ASPH: variants seen among roughly 807,000 people sequenced by gnomAD.
The protein encoded by ASPH is aspartyl/asparaginyl beta-hydroxylase.
ASPH carries 100 observed loss-of-function variants against 118.4 expected under a neutral mutation model. The observed-to-expected ratio is 0.84, with a 90% CI of 0.72 to 1.00. The LOEUF is 1.00. Among genes scored for constraint, ASPH ranks in the 50% least tolerant of loss-of-function variants. ASPH has a pLI of 0.00. For synonymous variants in ASPH, 315 were observed against 325.6 expected (o/e 0.97, Z 0.35); for missense variants, 920 against 919.5 (o/e 1.00, Z -0.01).
chr8:61,511,269 C>T (rs1364927623), intron 24 of ASPH, among the ~76,000 whole-genome samples: 5 of 152,104 alleles, frequency 3.3e-5, no homozygotes, highest in African/African-American at 1.2e-4. Flanking sequence ...TGATTGATTG[C>T]CAATTCATTT....
chr8:61,624,882 C>G, intron 13 of ASPH: 1 of 985,580 alleles, frequency 1.0e-6, no homozygotes, highest in South Asian at 4.7e-5. Context: ...ACCGACAGCA[C>G]AGCTTTAGAA....
At chr8:61,687,850 T>C (rs1288981665) in intron 1 of ASPH, 1 of 152,230 alleles carries the variant, frequency 6.6e-6, no homozygotes, top group Middle Eastern at 3.2e-3. Context: ...CCCTTTTTAA[T>C]ATCAAATAAA....
intron 4 of ASPH, 115 bp downstream of exon 4, chr8:61,653,453 A>T: frequency 1.1e-6 from 1 of 937,094 alleles, no homozygotes; most frequent in Non-Finnish European, 1.6e-6. Context: ...AAAAGTAGTT[A>T]ATTATTCTGT....
At chr8:61,579,233 C>T (rs1563896991) in intron 15 of ASPH, 8 of 1,613,806 alleles carry the variant, frequency 5.0e-6, no homozygotes, top group South Asian at 2.2e-5. Flanking sequence ...TTGCAGATGC[C>T]GAGCAGCGTG....
rs1032949684 is a variant in ASPH at position 61,502,975 on chromosome 8, A to G, written c.*384T>C. Reference sequence around the variant, plus strand: ...AATAGTCTAGCTACACTAGAAAAATATAACTGCATAGAAAAATTACAAACT... The same window carrying G: ...AATAGTCTAGCTACACTAGAAAAATGTAACTGCATAGAAAAATTACAAACT... On this transcript the variant is annotated 3_prime_UTR_variant, in exon 25 of 25. Coordinates refer to ENST00000379454, the MANE Select transcript of ASPH (RefSeq NM_004318.4). The G allele has an allele frequency of 6.4e-6, 1 of 157,310 alleles. No individual in the cohort carries two copies. Among genetic ancestry groups the G allele is most frequent in the Admixed American group, 6.5e-5 (1 of 15,436 alleles). 9.7% of individuals were successfully genotyped at this position (157,310 alleles called of 1,614,324 possible). A position where few individuals can be genotyped will look rare whatever the true frequency, so the allele number is the denominator to read the frequency against.
chr8:61,562,909 G>T, intron 17 of ASPH, 29 bp from the exon 18 acceptor site: 1 of 1,553,656 alleles, frequency 6.4e-7, no homozygotes, highest in Non-Finnish European at 8.7e-7. Flanking sequence ...AAAAAAAATA[G>T]AAATAAAAAC....
At chr8:61,665,102 A>G in intron 3 of ASPH, 1 of 1,417,694 alleles carries the variant, frequency 7.1e-7, no homozygotes, top group Non-Finnish European at 9.2e-7. Flanking sequence ...TTTAAATTTC[A>G]GGTAATTTAC....
rs1183566739 is a variant in ASPH at position 61,583,949 on chromosome 8, T to C, written c.1057A>G (p.Lys353Glu). 5 of 1,577,678 alleles carry C rather than the reference T, an allele frequency of 3.2e-6. No individual in the cohort carries two copies. The highest frequency in any genetic ancestry group is 2.6e-6 in the Non-Finnish European group (3 of 1,157,500). The change falls in exon 15 of 25, where the codon AAA (lysine) becomes GAA (glutamate). Residue 353 changes from lysine (K) to glutamate (E), a missense_variant. Lys to Glu is a moderately conservative substitution (Grantham distance 56). Transcript: ENST00000379454. ...AELDAAEKLR[K>E]RGKIEEAVNA... The stretch of plus-strand genomic sequence containing the variant: ...CACAAAAAATATCAACCTACCCTTT[T>C]ACGGAGTTTTTCTGCAGCATCAAGT...
intron 13 of ASPH, chr8:61,624,744 ACT>A (rs1282048960): frequency 1.4e-5 from 14 of 985,688 alleles, no homozygotes; most frequent in Non-Finnish European, 1.7e-5. Context: ...AGCAAAACTT[ACT>A]TTTACTCATT....
At chr8:61,536,429 C>G (rs1819627889) in intron 21 of ASPH, among the ~76,000 whole-genome samples, 1 of 152,176 alleles carries the variant, frequency 6.6e-6, no homozygotes, top group Admixed American at 6.5e-5. Context: ...GCAAGGGAGT[C>G]AGCCACTGTC....
rs557200872 is a variant in ASPH, at chr8:61,688,096, A to C, written c.104-3908T>G. The stretch of plus-strand genomic sequence containing the variant: ...AAACTGATGAACGCATGGTAAGACA[A>C]ACCCTTAAGAGGGTTTACAACTCCC... On this transcript the variant is annotated intron_variant, in intron 1 of 24. Coordinates refer to ENST00000379454, the MANE Select transcript of ASPH (RefSeq NM_004318.4). Among the ~76,000 whole-genome samples the C allele has an allele frequency of 4.6e-5, 7 of 152,306 alleles. 1 individual carries two copies. In the South Asian group the frequency reaches 8.3e-4, roughly 18 times the overall value.
At chr8:61,672,043 G>T (rs976724166) in intron 3 of ASPH, among the ~76,000 whole-genome samples, 1 of 152,098 alleles carries the variant, frequency 6.6e-6, no homozygotes, top group Non-Finnish European at 1.5e-5. Context: ...ATCTTCCTCC[G>T]TCCCATACTG....
intron 21 of ASPH, among the ~76,000 whole-genome samples, chr8:61,546,329 T>A (rs1823855045): frequency 6.6e-6 from 1 of 152,214 alleles, no homozygotes; most frequent in African/African-American, 2.4e-5. Context: ...TTCCGTGTTT[T>A]GAATTTGAAA....
At chr8:61,607,624 G>GA (rs35431863) in intron 14 of ASPH, among the ~76,000 whole-genome samples, 73 of 147,268 alleles carry the variant, frequency 5.0e-4, no homozygotes, top group East Asian at 2.4e-3. Context: ...AGAGTTAAAG[G>GA]AAAAAAAAAA....
At chr8:61,613,033 A>G (rs1680897942) in intron 14 of ASPH, among the ~76,000 whole-genome samples, 1 of 152,174 alleles carries the variant, frequency 6.6e-6, no homozygotes, top group Non-Finnish European at 1.5e-5. Flanking sequence ...TACTACAACT[A>G]TTTATTCAGC....
At chr8:61,705,098 C>CTATCCTAAGCACTATCCTAAA (rs1836261510) in intron 1 of ASPH, among the ~76,000 whole-genome samples, 1 of 152,132 alleles carries the variant, frequency 6.6e-6, no homozygotes, top group Non-Finnish European at 1.5e-5. Context: ...CTGTGCTATA[C>CTATCCTAAGCACTATCCTAAA]AACACGAATG....
chr8:61,605,997 G>C (rs1193481073), intron 14 of ASPH, among the ~76,000 whole-genome samples: 2 of 152,098 alleles, frequency 1.3e-5, no homozygotes, highest in Non-Finnish European at 2.9e-5. Context: ...ATCTGCCTCT[G>C]GCCTCCTTCC....
At chr8:61,669,334 A>T (rs1821260733) in intron 3 of ASPH, among the ~76,000 whole-genome samples, 5 of 152,152 alleles carry the variant, frequency 3.3e-5, no homozygotes, top group Admixed American at 3.3e-4. Context: ...ATGGTAATTT[A>T]TTTTGGTTGA....
At chr8:61,664,715 C>T (rs139246961) in intron 3 of ASPH, 18 of 985,438 alleles carry the variant, frequency 1.8e-5, no homozygotes, top group African/African-American at 8.8e-5. Context: ...GCCTGAGGAA[C>T]GGCCCCCTGA....
Sources: gnomAD v4.1 joint callset for allele counts (sites outside exome capture counted in the v4.1 genomes callset) on GRCh38, gnomAD v4.1.1 for gene constraint, MANE v1.5 for transcripts, NCBI Gene and HGNC (gene_info 2026-07-23, HGNC 2026-07-21) for gene names.